ANO3: variants seen among roughly 807,000 people sequenced by gnomAD.
The protein encoded by ANO3 is anoctamin-3.
Under a neutral mutation model 144.8 loss-of-function variants are expected in ANO3, and 99 were observed. The observed-to-expected ratio is 0.68, with a 90% CI of 0.58 to 0.81. The LOEUF is 0.81. Ranked by LOEUF, ANO3 falls within the 30% of genes least tolerant of loss-of-function variation. ANO3 has a pLI of 0.00. For missense variants in ANO3, 905 were observed against 1,202.2 expected, an observed-to-expected ratio of 0.75 and a Z score of 3.66; for synonymous variants, 414 against 392.6, an observed-to-expected ratio of 1.05 and a Z score of -0.64.
At chr11:26,453,146 T>A (rs957243052) in intron 3 of ANO3, among the ~76,000 whole-genome samples, 1 of 152,194 alleles carries the variant, frequency 6.6e-6, no homozygotes, top group Non-Finnish European at 1.5e-5. Flanking sequence ...TAAAGACCAT[T>A]GAGACTAGGA....
intron 4 of ANO3, among the ~76,000 whole-genome samples, chr11:26,480,678 C>G (rs1200294275): frequency 1.3e-5 from 2 of 151,804 alleles, no homozygotes; most frequent in Non-Finnish European, 2.9e-5. Context: ...CGTGGTGGCT[C>G]GTACCTGTAG....
chr11:26,266,032 A>C (rs1446790884), intron 1 of ANO3, among the ~76,000 whole-genome samples: 4 of 152,234 alleles, frequency 2.6e-5, no homozygotes, highest in African/African-American at 9.6e-5. Context: ...TAAGGAAAAT[A>C]TATTTCAAAT....
intron 1 of ANO3, among the ~76,000 whole-genome samples, chr11:26,437,258 A>C (rs549631528): frequency 6.6e-6 from 1 of 152,298 alleles, no homozygotes; most frequent in South Asian, 2.1e-4. Flanking sequence ...CTGGGCATCA[A>C]AAGTTCCTGG....
intron 4 of ANO3, among the ~76,000 whole-genome samples, chr11:26,499,536 T>G (rs1446911628): frequency 6.6e-6 from 1 of 151,680 alleles, no homozygotes; most frequent in Non-Finnish European, 1.5e-5. Flanking sequence ...TTAGTGTCTC[T>G]AATTGAGTAG....
At chr11:26,400,037 A>G (rs1857108732) in intron 1 of ANO3, among the ~76,000 whole-genome samples, 1 of 152,136 alleles carries the variant, frequency 6.6e-6, no homozygotes, top group Admixed American at 6.6e-5. Flanking sequence ...TTCCTTAGGT[A>G]AAGATGTGAC....
At chr11:26,268,650 G>A (rs1853367676) in intron 1 of ANO3, among the ~76,000 whole-genome samples, 1 of 152,082 alleles carries the variant, frequency 6.6e-6, no homozygotes, top group African/African-American at 2.4e-5. Flanking sequence ...GCCAGAACTG[G>A]GATCCGAAGG....
At chr11:26,347,348 C>T (rs1031338580) in intron 1 of ANO3, among the ~76,000 whole-genome samples, 1 of 152,322 alleles carries the variant, frequency 6.6e-6, no homozygotes, top group Non-Finnish European at 1.5e-5. Context: ...ATTATCAAAA[C>T]TATTAATCCA....
At chr11:26,193,009 C>T (rs1299615276) in intron 1 of ANO3, among the ~76,000 whole-genome samples, 1 of 151,812 alleles carries the variant, frequency 6.6e-6, no homozygotes, top group African/African-American at 2.4e-5. Context: ...TTTGCTGCAC[C>T]CATCAACCTG....
chr11:26,615,414 A>ATTTTTTTT (rs66840659), intron 17 of ANO3, among the ~76,000 whole-genome samples: 4 of 130,686 alleles, frequency 3.1e-5, no homozygotes, highest in African/African-American at 1.2e-4. Context: ...ATATATATAT[A>ATTTTTTTT]TTTTTTTTTT....
At chr11:26,626,134 A>G (rs1044364469) in intron 18 of ANO3, among the ~76,000 whole-genome samples, 52 of 152,152 alleles carry the variant, frequency 3.4e-4, no homozygotes, top group African/African-American at 1.2e-3. Context: ...ATTTGTTTAT[A>G]CTCTAGAATA....
At chr11:26,581,307 C>CTTT (rs5790592) in intron 14 of ANO3, among the ~76,000 whole-genome samples, 15 of 140,990 alleles carry the variant, frequency 1.1e-4, no homozygotes, top group Admixed American at 7.2e-4. Flanking sequence ...GTGCAATTCC[C>CTTT]TTTTTTTTTT....
chr11:26,642,146 A>G (rs1433055219), intron 22 of ANO3, 117 bp downstream of exon 22: 18 of 1,125,134 alleles, frequency 1.6e-5, no homozygotes, highest in Non-Finnish European at 2.3e-5. Context: ...CAAGCATTCT[A>G]AAACACGTCT....
chr11:26,318,250 A>T (rs2133876674), intron 1 of ANO3, among the ~76,000 whole-genome samples: 1 of 152,324 alleles, frequency 6.6e-6, no homozygotes, highest in Non-Finnish European at 1.5e-5. Context: ...CAGAACTTAA[A>T]GTATAATTAA....
At chr11:26,228,631 G>A (rs1852308214) in intron 1 of ANO3, among the ~76,000 whole-genome samples, 1 of 152,226 alleles carries the variant, frequency 6.6e-6, no homozygotes, top group African/African-American at 2.4e-5. Context: ...TGGCCCCAAA[G>A]TTAGCACCAC....
At chr11:26,611,121 A>G (rs951340441) in intron 17 of ANO3, among the ~76,000 whole-genome samples, 2 of 152,052 alleles carry the variant, frequency 1.3e-5, no homozygotes, top group Non-Finnish European at 2.9e-5. Context: ...TTCAAAAGTC[A>G]CTATTGTATT....
rs998048227 is a variant in ANO3, at chr11:26,380,286, G to C, written c.46+47965G>C. On this transcript the variant is annotated intron_variant, in intron 1 of 26. Transcript: ENST00000256737. Reference sequence around the variant, plus strand: ...ATATTTTGTATTACTTGTTCTTGTGGGTTATCTTTTCAAATTCCCTACTGT... The same window carrying C: ...ATATTTTGTATTACTTGTTCTTGTGCGTTATCTTTTCAAATTCCCTACTGT... 2.0e-5 allele frequency among the ~76,000 whole-genome samples: 3 copies of C among 152,214 alleles called. No individual in the cohort carries two copies. In the East Asian group the frequency reaches 5.8e-4, roughly 29 times the overall value.
chr11:26,517,877 C>T (rs1268926038), intron 6 of ANO3, among the ~76,000 whole-genome samples: 1 of 151,852 alleles, frequency 6.6e-6, no homozygotes, highest in Non-Finnish European at 1.5e-5. Flanking sequence ...ACGTAGGGCT[C>T]GAAAGATGCA....
chr11:26,324,437 A>G (rs1449862346), intron 1 of ANO3, among the ~76,000 whole-genome samples: 1 of 152,216 alleles, frequency 6.6e-6, no homozygotes, highest in Admixed American at 6.5e-5. Flanking sequence ...TAATTGTATC[A>G]CAACATTTAA....
At chr11:26,610,331 A>T (rs1406959474) in intron 17 of ANO3, among the ~76,000 whole-genome samples, 3 of 128,574 alleles carry the variant, frequency 2.3e-5, no homozygotes, top group African/African-American at 2.9e-5. Flanking sequence ...TTTTTTACAT[A>T]CCTGTTGACC....
Sources: allele counts gnomAD v4.1 joint callset (sites outside exome capture counted in the v4.1 genomes callset), GRCh38; gene constraint gnomAD v4.1.1; transcripts MANE v1.5; gene names NCBI Gene and HGNC (gene_info 2026-07-23, HGNC 2026-07-21).